Variants in ZNF331 observed in about 807,000 individuals in gnomAD.
ZNF331 encodes the protein zinc finger protein 331.
ZNF331 carries 2 observed loss-of-function variants against 7.0 expected under a neutral mutation model. The observed-to-expected ratio is 0.29, with a 90% CI of 0.12 to 0.90. The LOEUF (loss-of-function observed/expected upper bound fraction) is 0.90. Among genes scored for constraint, ZNF331 ranks in the 40% least tolerant of loss-of-function variants. ZNF331 has a pLI of 0.58. For synonymous variants in ZNF331, 196 were observed against 205.4 expected (o/e 0.95, Z 0.39); for missense variants, 432 against 587.7 (o/e 0.74, Z 2.74).
intron 3 of ZNF331, among the ~76,000 whole-genome samples, chr19:53,563,948 G>A (rs570168645): frequency 1.0e-4 from 15 of 149,594 alleles, no homozygotes; most frequent in African/African-American, 3.2e-4. Context: ...CAGGAGAATG[G>A]CTTGAACCCG....
chr19:53,506,224 A>C, the ZNF331 span, among the ~76,000 whole-genome samples: 1 of 128,284 alleles, frequency 7.8e-6, no homozygotes, highest in African/African-American at 3.2e-5. Context: ...AATCCCAGCT[A>C]CTCGGGAGGC....
At chr19:53,557,377 C>T (rs568442506) in intron 3 of ZNF331, among the ~76,000 whole-genome samples, 3 of 152,252 alleles carry the variant, frequency 2.0e-5, no homozygotes, top group Admixed American at 2.0e-4. Flanking sequence ...CGTGCCATGG[C>T]CACACATGGT....
In ZNF331 at chr19:53,569,290, T is replaced by C; in HGVS notation, c.-73-14T>C. Reference sequence around the variant, plus strand: ...AGATGCACCTCGTTTTAATCTCTTTTTTTCCACCCCTAGCTCTAGCCTCTC... The same window carrying C: ...AGATGCACCTCGTTTTAATCTCTTTCTTTCCACCCCTAGCTCTAGCCTCTC... On this transcript the variant is annotated splice_polypyrimidine_tract_variant and intron_variant, in intron 3 of 5. Transcript: ENST00000449416. 1 of 1,507,582 alleles carries C rather than the reference T, an allele frequency of 6.6e-7. No homozygotes were observed. The highest frequency in any genetic ancestry group is 2.3e-5 in the East Asian group (1 of 44,312). The allele number at this position is 1,507,582 out of a possible 1,614,324, so 93.4% of individuals were successfully genotyped here. A position where few individuals can be genotyped will look rare whatever the true frequency, so the allele number is the denominator to read the frequency against.
rs768184356 is a variant in ZNF331 at position 53,577,684 on chromosome 19, G to A, written c.1124G>A (p.Arg375Lys). 2.5e-6 allele frequency: 4 copies of A among 1,613,810 alleles called. No homozygotes were observed. The highest frequency in any genetic ancestry group is 2.5e-6 in the Non-Finnish European group (3 of 1,179,972). ...NCGYHLTQHE[R>K]IHTGETPYKC... ...GGCTATCACCTCACTCAGCACGAGA[G>A]AATCCACACAGGCGAAACCCCGTAT... The change falls in exon 6 of 6, where the codon AGA (arginine) becomes AAA (lysine). Residue 375 changes from arginine (R) to lysine (K), a missense_variant. Arg to Lys is a conservative substitution (Grantham distance 26). Around this residue, in one of 3 missense-constraint regions of ZNF331, gnomAD observed 312 missense variants for 448.6 expected, o/e 0.70. Coordinates refer to ENST00000449416, the MANE Select transcript of ZNF331 (RefSeq NM_001079906.2).
chr19:53,578,504 A>G lies in ZNF331; in HGVS notation c.*552A>G, dbSNP rs1568559204. 1 of 223,064 alleles carries G rather than the reference A, an allele frequency of 4.5e-6. No homozygotes were observed. The highest frequency in any genetic ancestry group is 8.9e-6 in the Non-Finnish European group (1 of 112,028). The allele number at this position is 223,064 out of a possible 1,614,324, so 13.8% of individuals were successfully genotyped here. On this transcript the variant is annotated 3_prime_UTR_variant, in exon 6 of 6. Transcript: ENST00000449416. ...TTACATATATTGTTACAATTGTTCTATTTTGTTAGTTACTGTTGGTAATCT... is the reference window on the plus strand; with the variant it reads ...TTACATATATTGTTACAATTGTTCTGTTTTGTTAGTTACTGTTGGTAATCT...
At chr19:53,570,625 C>T (rs1016230305) in intron 4 of ZNF331, among the ~76,000 whole-genome samples, 1 of 151,612 alleles carries the variant, frequency 6.6e-6, no homozygotes, top group African/African-American at 2.4e-5. Flanking sequence ...CTCTGCCTCG[C>T]GGGTTCAAGT....
chr19:53,507,148 AG>A, the ZNF331 span, among the ~76,000 whole-genome samples: 2 of 152,154 alleles, frequency 1.3e-5, no homozygotes, highest in Non-Finnish European at 1.5e-5. Flanking sequence ...CAAAAGTTGT[AG>A]ATGACAAAAT....
chr19:53,521,071 T>G (rs1184623082), exon 1 of ZNF331: 1 of 152,240 alleles, frequency 6.6e-6, no homozygotes, highest in African/African-American at 2.4e-5. Context: ...CTGAGGGGCG[T>G]GCTTCATGCT....
intron 3 of ZNF331, among the ~76,000 whole-genome samples, chr19:53,563,393 A>AT (rs1421418900): frequency 1.3e-5 from 2 of 151,998 alleles, no homozygotes; most frequent in Admixed American, 6.6e-5. Context: ...GCCAAGCTGG[A>AT]TTTTTTAATG....
rs113182439 is a variant in ZNF331 at position 53,562,075 on chromosome 19, G to T, written c.-74+6167G>T. 2.4e-3 allele frequency among the ~76,000 whole-genome samples: 363 copies of T among 152,252 alleles called. 2 individuals carry two copies. Among genetic ancestry groups the T allele is most frequent in the African/African-American group, 8.4e-3 (349 of 41,562 alleles). On this transcript the variant is annotated intron_variant, in intron 3 of 5. Transcript: ENST00000449416. ...AGGCAGGAGAATTGCTTGAACCTGGGAGGTGGAGGTTGCAGTGAGCCGAGA... is the reference window on the plus strand; with the variant it reads ...AGGCAGGAGAATTGCTTGAACCTGGTAGGTGGAGGTTGCAGTGAGCCGAGA...
At chr19:53,575,953 A>G (rs2147709938) in intron 5 of ZNF331, among the ~76,000 whole-genome samples, 1 of 152,034 alleles carries the variant, frequency 6.6e-6, no homozygotes, top group East Asian at 1.9e-4. Flanking sequence ...AAGTGCTGGG[A>G]TTACAAGCGT....
chr19:53,555,175 CT>C, intron 2 of ZNF331: 1 of 151,390 alleles, frequency 6.6e-6, no homozygotes, highest in Admixed American at 6.6e-5. Flanking sequence ...GTGATCGGGC[CT>C]TCTGGGTGAC....
At chr19:53,563,148 C>T (rs1042566487) in intron 3 of ZNF331, among the ~76,000 whole-genome samples, 5 of 129,180 alleles carry the variant, frequency 3.9e-5, no homozygotes, top group African/African-American at 1.5e-4. Flanking sequence ...AGTGCAAGGG[C>T]GTGATCTCAG....
intron 3 of ZNF331, among the ~76,000 whole-genome samples, chr19:53,557,795 C>G (rs2089530777): frequency 6.6e-6 from 1 of 152,156 alleles, no homozygotes; most frequent in African/African-American, 2.4e-5. Context: ...GTAACCCTGT[C>G]TCTACTAAAA....
intron 2 of ZNF331, among the ~76,000 whole-genome samples, chr19:53,553,909 C>A (rs576454436): frequency 1.3e-3 from 195 of 152,334 alleles, no homozygotes; most frequent in African/African-American, 4.4e-3. Flanking sequence ...GAACGGGCGT[C>A]TGCAGGGAGC....
chr19:53,578,551 ATTAAACT>A lies in ZNF331; in HGVS notation c.*603_*609del, dbSNP rs1352904598. ...ATCTCTTACTGTGCCTAATTTATAA[ATTAAACT>A]TTAGATATGTATGTACAGGAAAAAA... On this transcript the variant is annotated 3_prime_UTR_variant, in exon 6 of 6. Coordinates refer to ENST00000449416, the MANE Select transcript of ZNF331 (RefSeq NM_001079906.2). 4.7e-6 allele frequency: 1 copy of A among 214,488 alleles called. No homozygotes were observed. Among genetic ancestry groups the A allele is most frequent in the East Asian group, 7.1e-5 (1 of 14,088 alleles). 13.3% of individuals were successfully genotyped at this position (214,488 alleles called of 1,614,324 possible).
At chr19:53,562,287 T>G (rs1453809374) in intron 3 of ZNF331, among the ~76,000 whole-genome samples, 1 of 152,234 alleles carries the variant, frequency 6.6e-6, no homozygotes, top group African/African-American at 2.4e-5. Context: ...AGCAAGGTTA[T>G]AGATACAAGT....
chr19:53,572,157 A>G (rs778788173), intron 5 of ZNF331, among the ~76,000 whole-genome samples: 13 of 152,206 alleles, frequency 8.5e-5, no homozygotes, highest in Non-Finnish European at 1.9e-4. Flanking sequence ...GAAGTACAGT[A>G]GATCAGACAA....
At chr19:53,541,715 G>A (rs1187482256) in intron 2 of ZNF331, among the ~76,000 whole-genome samples, 2 of 152,284 alleles carry the variant, frequency 1.3e-5, no homozygotes, top group Middle Eastern at 3.4e-3. Flanking sequence ...ACCCATAATT[G>A]TACCATCCAG....
Sources: gnomAD v4.1 joint callset for allele counts (sites outside exome capture counted in the v4.1 genomes callset) on GRCh38, gnomAD v4.1.1 for gene constraint, gnomAD v4.1.1 regional missense constraint, MANE v1.5 for transcripts, NCBI Gene and HGNC (gene_info 2026-07-23, HGNC 2026-07-21) for gene names.